The following SIK2 variants were observed in gnomAD, a reference collection of about 807,000 sequenced individuals.
SIK2 encodes serine/threonine-protein kinase SIK2.
Under a neutral mutation model 103.2 loss-of-function variants are expected in SIK2, and 29 were observed. The ratio of observed to expected loss-of-function variants is 0.28; its 90% CI spans 0.21 to 0.38. SIK2 has a LOEUF of 0.38. Ranked by LOEUF, SIK2 falls within the 10% of genes least tolerant of loss-of-function variation. SIK2 has a pLI of 1.00. For synonymous variants in SIK2, 412 were observed against 446.1 expected, an observed-to-expected ratio of 0.92 and a Z score of 0.96; for missense variants, 879 against 1,171.0, an observed-to-expected ratio of 0.75 and a Z score of 3.64.
rs186391971 is a variant in SIK2, at chr11:111,686,230, C to G, written c.317-1771C>G. Among the ~76,000 whole-genome samples, 553 of 152,252 alleles carry G rather than the reference C, an allele frequency of 3.6e-3. 5 individuals are homozygous for G. Among genetic ancestry groups the G allele is most frequent in the Non-Finnish European group, 4.2e-3 (283 of 68,018 alleles). ...CCAAGGCGGGCAGATCACCTGAGGT[C>G]AGGAGTTTGACACCAGCCCGGGCAA... On this transcript the variant is annotated intron_variant, in intron 3 of 14. Transcript: ENST00000304987.
intron 3 of SIK2, among the ~76,000 whole-genome samples, chr11:111,685,302 G>T (rs1252051555): frequency 6.6e-6 from 1 of 152,240 alleles, no homozygotes; most frequent in Non-Finnish European, 1.5e-5. Context: ...ATGGCAGGGG[G>T]CCGGGTTCCT....
rs937330308 is a variant in SIK2 at position 111,726,249 on chromosome 11, T to C, written c.*2120T>C. Reference sequence around the variant, plus strand: ...TCATTTCAGAACTGCAGGAATGGTGTAGTTACAGATCGACATAAACTCCTG... The same window carrying C: ...TCATTTCAGAACTGCAGGAATGGTGCAGTTACAGATCGACATAAACTCCTG... On this transcript the variant is annotated 3_prime_UTR_variant, in exon 15 of 15. Coordinates refer to ENST00000304987, the MANE Select transcript of SIK2 (RefSeq NM_015191.3). The C allele has an allele frequency of 1.3e-5, 2 of 152,218 alleles. No individual in the cohort carries two copies. The highest frequency in any genetic ancestry group is 4.8e-5 in the African/African-American group (2 of 41,438). The allele number at this position is 152,218 out of a possible 1,614,324, so 9.4% of individuals were successfully genotyped here.
chr11:111,698,292 C>T (rs780731781), intron 4 of SIK2, among the ~76,000 whole-genome samples: 5 of 152,332 alleles, frequency 3.3e-5, no homozygotes, highest in East Asian at 1.9e-4. Flanking sequence ...AGCTCTTGTT[C>T]TCTTGCCTGT....
rs55809818 is a variant in SIK2, at chr11:111,606,641, C to T, written c.135+3943C>T. Among the ~76,000 whole-genome samples the T allele has an allele frequency of 3.2e-3, 482 of 152,088 alleles. 2 individuals are homozygous for T. The highest frequency in any genetic ancestry group is 0.011 in the African/African-American group (463 of 41,476). Reference sequence around the variant, plus strand: ...CAGTTTTTGTTTATAGTAAATAATACGCAGTGAATATTTTTGTGCCTATAA... The same window carrying T: ...CAGTTTTTGTTTATAGTAAATAATATGCAGTGAATATTTTTGTGCCTATAA... On this transcript the variant is annotated intron_variant, in intron 1 of 14. Coordinates refer to ENST00000304987, the MANE Select transcript of SIK2 (RefSeq NM_015191.3).
intron 1 of SIK2, among the ~76,000 whole-genome samples, 163 bp from the exon 2 acceptor site, chr11:111,616,080 G>A (rs1271237878): frequency 6.6e-6 from 1 of 152,172 alleles, no homozygotes; most frequent in African/African-American, 2.4e-5. Flanking sequence ...CATGGTATTA[G>A]TTTAAGAAAT....
chr11:111,717,037 G>A (rs1460803448), intron 9 of SIK2, among the ~76,000 whole-genome samples: 1 of 152,084 alleles, frequency 6.6e-6, no homozygotes, highest in East Asian at 1.9e-4. Flanking sequence ...AACAGCGGCC[G>A]GGTGTGGTGG....
intron 3 of SIK2, among the ~76,000 whole-genome samples, chr11:111,649,221 C>T (rs1259281360): frequency 6.6e-6 from 1 of 152,096 alleles, no homozygotes; most frequent in Non-Finnish European, 1.5e-5. Flanking sequence ...TTGATCCTTG[C>T]ACATATTCCA....
At chr11:111,707,831 G>C (rs1943392274) in intron 8 of SIK2, among the ~76,000 whole-genome samples, 1 of 152,200 alleles carries the variant, frequency 6.6e-6, no homozygotes, top group Admixed American at 6.5e-5. Context: ...GAATCATGCA[G>C]ACCTTGGGTT....
At chr11:111,633,893 C>A (rs1942070907) in intron 3 of SIK2, among the ~76,000 whole-genome samples, 1 of 152,082 alleles carries the variant, frequency 6.6e-6, no homozygotes, top group Non-Finnish European at 1.5e-5. Context: ...TACAATAAGG[C>A]CTTAACTACA....
rs891866795 is a variant in SIK2 at position 111,730,129 on chromosome 11, G to C, written c.*6000G>C. ...TTTTAGGATTAAAAAAGTAATAACA[G>C]ACTTTGACTTAATACTCTGTCTTTT... On this transcript the variant is annotated 3_prime_UTR_variant, in exon 15 of 15. Coordinates refer to ENST00000304987, the MANE Select transcript of SIK2 (RefSeq NM_015191.3). 2 of 152,234 alleles carry C rather than the reference G, an allele frequency of 1.3e-5. No homozygotes were observed. The highest frequency in any genetic ancestry group is 4.8e-5 in the African/African-American group (2 of 41,446). 9.4% of individuals were successfully genotyped at this position (152,234 alleles called of 1,614,324 possible). A position where few individuals can be genotyped will look rare whatever the true frequency, so the allele number is the denominator to read the frequency against.
At chr11:111,613,062 T>C in intron 1 of SIK2, among the ~76,000 whole-genome samples, 1 of 151,812 alleles carries the variant, frequency 6.6e-6, no homozygotes. Flanking sequence ...TTATAATTTT[T>C]ATTAAAATTT....
At chr11:111,613,635 G>A (rs1230019468) in intron 1 of SIK2, among the ~76,000 whole-genome samples, 4 of 151,972 alleles carry the variant, frequency 2.6e-5, no homozygotes, top group African/African-American at 7.3e-5. Flanking sequence ...TTCTAATAGC[G>A]AGTATATAAT....
At chr11:111,638,858 A>AT (rs1290136501) in intron 3 of SIK2, among the ~76,000 whole-genome samples, 2 of 151,372 alleles carry the variant, frequency 1.3e-5, no homozygotes, top group African/African-American at 2.4e-5. Context: ...GGTATGTTTA[A>AT]TTTTTTGTTG....
intron 3 of SIK2, among the ~76,000 whole-genome samples, chr11:111,621,752 A>G (rs1291664046): frequency 6.6e-6 from 1 of 152,046 alleles, no homozygotes; most frequent in Non-Finnish European, 1.5e-5. Context: ...CCTCCCTACT[A>G]AAAATACAAA....
intron 3 of SIK2, among the ~76,000 whole-genome samples, chr11:111,650,347 G>C (rs1942312095): frequency 6.6e-6 from 1 of 151,868 alleles, no homozygotes. Context: ...TATTCTACTT[G>C]CTTTTTTTGA....
chr11:111,712,268 T>G lies in SIK2; in HGVS notation c.1159T>G (p.Ser387Ala), dbSNP rs771423013. ...MHSPNMRLLRSALLPQASNVE... is the reference protein window; with the variant it reads ...MHSPNMRLLRAALLPQASNVE... ...TTCACCGAACATGAGGCTGCTGCGA[T>G]CTGCCCTCCTCCCCCAGGCATCCAA... Residue 387 changes from serine (S) to alanine (A), a missense_variant, in exon 9 of 15, where the codon TCT (serine) becomes GCT (alanine). This residue lies in a region of SIK2 where 222 missense variants were observed against 258.0 expected (regional missense o/e 0.86). Transcript: ENST00000304987. 5.6e-6 allele frequency: 9 copies of G among 1,614,238 alleles called. No homozygotes were observed. Among genetic ancestry groups the G allele is most frequent in the Non-Finnish European group, 6.8e-6 (8 of 1,180,028 alleles).
At chr11:111,638,313 G>A (rs1210665453) in intron 3 of SIK2, among the ~76,000 whole-genome samples, 1 of 152,180 alleles carries the variant, frequency 6.6e-6, no homozygotes, top group Admixed American at 6.5e-5. Flanking sequence ...TAAGCCTCTA[G>A]ATTTCTACTG....
At chr11:111,629,963 G>A (rs983206794) in intron 3 of SIK2, among the ~76,000 whole-genome samples, 1 of 152,118 alleles carries the variant, frequency 6.6e-6, no homozygotes, top group African/African-American at 2.4e-5. Flanking sequence ...TCAATTCCTA[G>A]GTATTTGCCC....
Position 111,728,286 on chromosome 11 carries a change from TATTTA to T in SIK2, c.*4162_*4166del, listed in dbSNP as rs1362661050. Reference sequence around the variant, plus strand: ...TGATCATTTTGTTGCTTCTGGAATTTATTTAATTTTTTTTTTTTTTGAGACAGAGT... The same window carrying T: ...TGATCATTTTGTTGCTTCTGGAATTTATTTTTTTTTTTTTTGAGACAGAGT... On this transcript the variant is annotated 3_prime_UTR_variant, in exon 15 of 15. Coordinates refer to ENST00000304987, the MANE Select transcript of SIK2 (RefSeq NM_015191.3). 1 of 78,898 alleles carries T rather than the reference TATTTA, an allele frequency of 1.3e-5. No individual in the cohort carries two copies. The highest frequency in any genetic ancestry group is 2.5e-5 in the Non-Finnish European group (1 of 40,754). 4.9% of individuals were successfully genotyped at this position (78,898 alleles called of 1,614,324 possible). A position where few individuals can be genotyped will look rare whatever the true frequency, so the allele number is the denominator to read the frequency against.
Sources: allele counts gnomAD v4.1 joint callset (sites outside exome capture counted in the v4.1 genomes callset), GRCh38; gene constraint gnomAD v4.1.1; regional missense constraint gnomAD v4.1.1; transcripts MANE v1.5; gene names NCBI Gene and HGNC (gene_info 2026-07-23, HGNC 2026-07-21).